Variants in LRMDA observed in about 807,000 individuals in gnomAD.
The protein encoded by LRMDA is leucine rich melanocyte differentiation associated.
In LRMDA, 18 loss-of-function variants were observed where a neutral mutation model predicts 29.8. The observed-to-expected ratio is 0.60, with a 90% CI of 0.42 to 0.90. The LOEUF (loss-of-function observed/expected upper bound fraction) is 0.90. Ranked by LOEUF, LRMDA falls within the 40% of genes least tolerant of loss-of-function variation. The probability of loss-of-function intolerance (pLI) is 0.00; values close to 1 mark genes in which losing one functional copy is unlikely to be tolerated. For synonymous variants in LRMDA, 125 were observed against 109.4 expected, an observed-to-expected ratio of 1.14 and a Z score of -0.89; for missense variants, 273 against 273.9, an observed-to-expected ratio of 1.00 and a Z score of 0.02.
intron 2 of LRMDA, among the ~76,000 whole-genome samples, chr10:76,024,293 T>A (rs942750666): frequency 2.6e-5 from 4 of 152,238 alleles, no homozygotes; most frequent in African/African-American, 9.6e-5. Flanking sequence ...TTCTCTATGC[T>A]GCACAACTGG....
At chr10:76,131,700 T>G (rs1849995810) in intron 5 of LRMDA, among the ~76,000 whole-genome samples, 1 of 152,166 alleles carries the variant, frequency 6.6e-6, no homozygotes, top group Admixed American at 6.5e-5. Flanking sequence ...TTTTAATTCA[T>G]ATTGCATTGC....
intron 5 of LRMDA, among the ~76,000 whole-genome samples, chr10:76,285,737 A>G (rs1483762533): frequency 6.6e-6 from 1 of 152,166 alleles, no homozygotes; most frequent in Non-Finnish European, 1.5e-5. Context: ...CCTGGATTCT[A>G]GAGACCTGGT....
intron 5 of LRMDA, among the ~76,000 whole-genome samples, chr10:76,225,051 A>G (rs531280132): frequency 6.6e-6 from 1 of 152,044 alleles, no homozygotes. Flanking sequence ...TAACACATTT[A>G]TTGAGTTGTC....
intron 2 of LRMDA, among the ~76,000 whole-genome samples, chr10:75,724,356 G>A (rs893405748): frequency 6.6e-6 from 1 of 152,162 alleles, no homozygotes; most frequent in Non-Finnish European, 1.5e-5. Context: ...TAACAAATTT[G>A]TATAGAGAAA....
At chr10:76,529,902 C>T (rs1843216153) in intron 6 of LRMDA, among the ~76,000 whole-genome samples, 1 of 152,016 alleles carries the variant, frequency 6.6e-6, no homozygotes, top group African/African-American at 2.4e-5. Flanking sequence ...AAGACTTGGG[C>T]CAATAGGTTT....
chr10:76,508,781 A>G (rs1842982794), intron 6 of LRMDA, among the ~76,000 whole-genome samples: 1 of 152,220 alleles, frequency 6.6e-6, no homozygotes, highest in South Asian at 2.1e-4. Context: ...CCTATGAGTT[A>G]GGCACAATTA....
intron 5 of LRMDA, among the ~76,000 whole-genome samples, chr10:76,105,357 A>C (rs1267830028): frequency 6.6e-6 from 1 of 151,392 alleles, no homozygotes; most frequent in Non-Finnish European, 1.5e-5. Flanking sequence ...GATAGGTTGA[A>C]GAGTGCCTTC....
intron 2 of LRMDA, among the ~76,000 whole-genome samples, chr10:75,977,111 G>GTTCTT (rs1439424769): frequency 2.7e-5 from 4 of 147,498 alleles, no homozygotes; most frequent in African/African-American, 1.0e-4. Context: ...TAGCTCGATG[G>GTTCTT]TTCTTTTCTT....
At chr10:75,547,227 G>A (rs938696841) in intron 2 of LRMDA, among the ~76,000 whole-genome samples, 5 of 152,144 alleles carry the variant, frequency 3.3e-5, no homozygotes, top group African/African-American at 1.2e-4. Flanking sequence ...GTTTCAGGAT[G>A]GTTCTGTATA....
At chr10:75,846,103 C>A (rs2132305693) in intron 2 of LRMDA, among the ~76,000 whole-genome samples, 1 of 151,672 alleles carries the variant, frequency 6.6e-6, no homozygotes, top group South Asian at 2.1e-4. Flanking sequence ...ATGCTAGGTA[C>A]CTCCTAAATA....
chr10:75,848,164 A>G (rs1302736111), intron 2 of LRMDA, among the ~76,000 whole-genome samples: 1 of 152,220 alleles, frequency 6.6e-6, no homozygotes, highest in African/African-American at 2.4e-5. Flanking sequence ...AGCAGCCCAA[A>G]TGTCCATCAA....
intron 2 of LRMDA, among the ~76,000 whole-genome samples, chr10:75,598,623 A>G (rs544482049): frequency 3.3e-5 from 5 of 152,044 alleles, no homozygotes; most frequent in African/African-American, 9.6e-5. Context: ...AAGCATCTTC[A>G]TTCTATAGTA....
chr10:75,684,308 A>G (rs1356765344), intron 2 of LRMDA, among the ~76,000 whole-genome samples: 1 of 152,116 alleles, frequency 6.6e-6, no homozygotes, highest in African/African-American at 2.4e-5. Context: ...TCTCATGCCT[A>G]GACTTCTGGA....
At chr10:76,018,376 A>G (rs1032553520) in intron 2 of LRMDA, among the ~76,000 whole-genome samples, 10 of 152,174 alleles carry the variant, frequency 6.6e-5, no homozygotes, top group African/African-American at 2.4e-4. Context: ...TTGGGGAACA[A>G]CATAGCCCCC....
chr10:76,447,792 G>A (rs1306635043), intron 6 of LRMDA, among the ~76,000 whole-genome samples: 2 of 152,152 alleles, frequency 1.3e-5, no homozygotes, highest in Non-Finnish European at 2.9e-5. Context: ...TCAGTGTTCA[G>A]TGACAGCCTT....
At chr10:75,861,822 T>C (rs1844935543) in intron 2 of LRMDA, among the ~76,000 whole-genome samples, 1 of 152,182 alleles carries the variant, frequency 6.6e-6, no homozygotes, top group Non-Finnish European at 1.5e-5. Flanking sequence ...AAATGGGACA[T>C]TAGCATGTGG....
chr10:76,070,524 G>A (rs1422746005), intron 5 of LRMDA, among the ~76,000 whole-genome samples: 1 of 152,124 alleles, frequency 6.6e-6, no homozygotes, highest in Non-Finnish European at 1.5e-5. Flanking sequence ...AGTCCTATTG[G>A]ATTAGGGTCT....
At chr10:76,209,243 A>G (rs1851592624) in intron 5 of LRMDA, among the ~76,000 whole-genome samples, 1 of 152,116 alleles carries the variant, frequency 6.6e-6, no homozygotes, top group Non-Finnish European at 1.5e-5. Flanking sequence ...CTCACCTAAA[A>G]ACAGACTGTG....
chr10:76,552,683 C>T (rs1408555146), intron 6 of LRMDA, among the ~76,000 whole-genome samples: 1 of 152,196 alleles, frequency 6.6e-6, no homozygotes, highest in East Asian at 1.9e-4. Context: ...TGTACATGGT[C>T]ACATGACTGT....
Sources: gnomAD v4.1 joint callset for allele counts (sites outside exome capture counted in the v4.1 genomes callset) on GRCh38, gnomAD v4.1.1 for gene constraint, MANE v1.5 for transcripts, NCBI Gene and HGNC (gene_info 2026-07-23, HGNC 2026-07-21) for gene names.